ARF3: variants seen among roughly 807,000 people sequenced by gnomAD.
ARF3 encodes the protein ADP-ribosylation factor 3.
A neutral mutation model predicts 19.3 loss-of-function variants in ARF3; 5 were observed. That is an observed-to-expected ratio of 0.26 (90% CI 0.14 to 0.54). The LOEUF (loss-of-function observed/expected upper bound fraction) is 0.54, where lower values mean the gene tolerates loss of function less well. Ranked by LOEUF, ARF3 falls within the 20% of genes least tolerant of loss-of-function variation. The probability of loss-of-function intolerance (pLI) is 0.95; values close to 1 mark genes in which losing one functional copy is unlikely to be tolerated. For missense variants in ARF3, 77 were observed against 234.2 expected, an observed-to-expected ratio of 0.33 and a Z score of 4.38; for synonymous variants, 71 against 89.2, an observed-to-expected ratio of 0.80 and a Z score of 1.15.
intron 1 of ARF3, among the ~76,000 whole-genome samples, chr12:48,944,663 T>A (rs1222201808): frequency 1.3e-5 from 2 of 152,226 alleles, no homozygotes; most frequent in Non-Finnish European, 2.9e-5. Context: ...ATTTCTTCTG[T>A]CCAGTAGGAT....
At chr12:48,953,978 T>TTGGACTAAATGAAAAGAG (rs1271413824) in intron 1 of ARF3, among the ~76,000 whole-genome samples, 1 of 152,164 alleles carries the variant, frequency 6.6e-6, no homozygotes, top group Non-Finnish European at 1.5e-5. Flanking sequence ...TTTATTAAGA[T>TTGGACTAAATGAAAAGAG]TGGACTAAAT....
chr12:48,952,115 G>A (rs1243362428), intron 1 of ARF3, among the ~76,000 whole-genome samples: 1 of 152,186 alleles, frequency 6.6e-6, no homozygotes, highest in Non-Finnish European at 1.5e-5. Context: ...TCAATTAGTG[G>A]TGTTTAGGCT....
chr12:48,939,258 AT>A lies in ARF3; in HGVS notation c.385-151del. On this transcript the variant is annotated intron_variant, in intron 4 of 4. Coordinates refer to ENST00000256682, the MANE Select transcript of ARF3 (RefSeq NM_001659.3). This position sits in a 1 kb window ranked among gnomAD's most constrained non-coding sequence, Gnocchi z 4.8. ...ACAAGATCCTAAGGAGCTACTTTGGATTTAGTCACCTAGAACTCAAGATCCA... is the reference window on the plus strand; with the variant it reads ...ACAAGATCCTAAGGAGCTACTTTGGATTAGTCACCTAGAACTCAAGATCCA... 1 of 949,590 alleles carries A rather than the reference AT, an allele frequency of 1.1e-6. No individual in the cohort carries two copies. The highest frequency in any genetic ancestry group is 1.7e-5 in the African/African-American group (1 of 60,384). The allele number at this position is 949,590 out of a possible 1,614,324, so 58.8% of individuals were successfully genotyped here. A position where few individuals can be genotyped will look rare whatever the true frequency, so the allele number is the denominator to read the frequency against.
intron 1 of ARF3, among the ~76,000 whole-genome samples, chr12:48,951,484 A>T (rs1940470062): frequency 6.6e-6 from 1 of 152,144 alleles, no homozygotes; most frequent in African/African-American, 2.4e-5. Flanking sequence ...GCTTGAAGCC[A>T]GGTGGTGGAC....
At chr12:48,942,398 C>T (rs998531839) in intron 1 of ARF3, among the ~76,000 whole-genome samples, 32 of 152,088 alleles carry the variant, frequency 2.1e-4, no homozygotes, top group African/African-American at 7.5e-4. Context: ...TTCATATTTG[C>T]TATCACCTCT....
At chr12:48,940,914 G>A (rs375886589) in intron 2 of ARF3, 34 bp downstream of exon 2, 15 of 1,526,564 alleles carry the variant, frequency 9.8e-6, no homozygotes, top group African/African-American at 1.4e-5. Flanking sequence ...CTCAGCTGCC[G>A]GCGTGAAAGC....
intron 1 of ARF3, among the ~76,000 whole-genome samples, chr12:48,950,363 T>C (rs1157349282): frequency 6.6e-6 from 1 of 152,164 alleles, no homozygotes; most frequent in African/African-American, 2.4e-5. Context: ...GCCTGGCTAA[T>C]TTTTGTTTAA....
intron 2 of ARF3, among the ~76,000 whole-genome samples, 185 bp downstream of exon 2, chr12:48,940,763 G>C (rs910518125): frequency 4.6e-5 from 7 of 152,210 alleles, no homozygotes; most frequent in Admixed American, 4.6e-4. Flanking sequence ...GGGAGAGCCA[G>C]GTTAGGTGGG....
At chr12:48,943,883 G>A (rs1940309856) in intron 1 of ARF3, among the ~76,000 whole-genome samples, 1 of 152,148 alleles carries the variant, frequency 6.6e-6, no homozygotes, top group South Asian at 2.1e-4. Flanking sequence ...TTCAACTTCA[G>A]TCAAGCCACC....
At chr12:48,952,039 G>T (rs996805798) in intron 1 of ARF3, among the ~76,000 whole-genome samples, 9 of 152,174 alleles carry the variant, frequency 5.9e-5, no homozygotes, top group African/African-American at 2.2e-4. Context: ...AAGAAAAGAG[G>T]GAGGATCCAA....
At chr12:48,941,218 T>C in intron 1 of ARF3, 30 bp from the exon 2 acceptor site, 1 of 1,158,534 alleles carries the variant, frequency 8.6e-7, no homozygotes, top group Non-Finnish European at 1.2e-6. Context: ...AATCATACCA[T>C]CATTTGCTTG....
At position 48,939,578 on chromosome 12, in the gene ARF3, T is replaced by C. The variant is rs1940213823; in HGVS notation, c.384+77A>G. 5 of 1,599,626 alleles carry C rather than the reference T, an allele frequency of 3.1e-6. No homozygotes were observed. The highest frequency in any genetic ancestry group is 2.7e-5 in the African/African-American group (2 of 74,596). On this transcript the variant is annotated intron_variant, in intron 4 of 4. Coordinates refer to ENST00000256682, the MANE Select transcript of ARF3 (RefSeq NM_001659.3). The surrounding 1 kb of genome is among the most constrained non-coding windows in gnomAD (Gnocchi z 4.8). ...GAGAGCATACTAAAAGGGTTAACCATATAATAGGCCCAAGAGCCAACAATT... is the reference window on the plus strand; with the variant it reads ...GAGAGCATACTAAAAGGGTTAACCACATAATAGGCCCAAGAGCCAACAATT...
At position 48,939,112 on chromosome 12, in the gene ARF3, G is replaced by C; in HGVS notation, c.385-4C>G. 1.2e-6 allele frequency: 2 copies of C among 1,611,472 alleles called. No individual in the cohort carries two copies. The highest frequency in any genetic ancestry group is 1.7e-6 in the Non-Finnish European group (2 of 1,178,128). On this transcript the variant is annotated splice_polypyrimidine_tract_variant and splice_region_variant and intron_variant, in intron 4 of 4. Transcript: ENST00000256682. This position sits in a 1 kb window ranked among gnomAD's most constrained non-coding sequence, Gnocchi z 4.8. ...CGTTCATAGCATTAGGCAGATCCTG[G>C]AGCACGTGGGAGACACATAAAAAGA...
chr12:48,938,282 G>T lies in ARF3; in HGVS notation c.*665C>A, dbSNP rs1480649766. The T allele has an allele frequency of 1.7e-5, 7 of 419,686 alleles. No homozygotes were observed. In the East Asian group the frequency reaches 5.0e-4, roughly 30 times the overall value. The allele number at this position is 419,686 out of a possible 1,614,324, so 26.0% of individuals were successfully genotyped here. ...GAAAAACCTACCTGCAGAGAGGAGG[G>T]TAACCAGTCAAAGACTGGGGCAGTC... On this transcript the variant is annotated 3_prime_UTR_variant, in exon 5 of 5. Coordinates refer to ENST00000256682, the MANE Select transcript of ARF3 (RefSeq NM_001659.3).
intron 1 of ARF3, among the ~76,000 whole-genome samples, chr12:48,945,498 T>C (rs1009295040): frequency 2.0e-5 from 3 of 151,306 alleles, no homozygotes; most frequent in Non-Finnish European, 2.9e-5. Flanking sequence ...GAGGTGGAGG[T>C]TGCAGCGAGT....
intron 1 of ARF3, among the ~76,000 whole-genome samples, chr12:48,949,017 T>C (rs952989255): frequency 3.3e-5 from 5 of 152,150 alleles, no homozygotes; most frequent in African/African-American, 1.2e-4. Flanking sequence ...TCGCAAGTTG[T>C]CAACTACAAG....
rs1327485309 is a variant in ARF3, at chr12:48,938,680, G to GA, written c.*266_*267insT. 1.3e-5 allele frequency: 6 copies of GA among 452,610 alleles called. No homozygotes were observed. The highest frequency in any genetic ancestry group is 4.6e-5 in the East Asian group (1 of 21,766). The allele number at this position is 452,610 out of a possible 1,614,324, so 28.0% of individuals were successfully genotyped here. A position where few individuals can be genotyped will look rare whatever the true frequency, so the allele number is the denominator to read the frequency against. ...GAAACCCAGAGGGTGAGAGAGAGAG[G>GA]GGCCACCCCATGAAACCGTAACAAC... On this transcript the variant is annotated 3_prime_UTR_variant, in exon 5 of 5. Transcript: ENST00000256682.
rs1048328167 is a variant in ARF3 at position 48,939,288 on chromosome 12, C to T, written c.385-180G>A. Among the ~76,000 whole-genome samples, 2 of 152,126 alleles carry T rather than the reference C, an allele frequency of 1.3e-5. No individual in the cohort carries two copies. Among genetic ancestry groups the T allele is most frequent in the Non-Finnish European group, 2.9e-5 (2 of 68,020 alleles). On this transcript the variant is annotated intron_variant, in intron 4 of 4. Transcript: ENST00000256682. The surrounding 1 kb of genome is among the most constrained non-coding windows in gnomAD (Gnocchi z 4.8). The stretch of plus-strand genomic sequence containing the variant: ...GTCACCTAGAACTCAAGATCCAAAG[C>T]ACTAGAGGTCACTGTACTGAAGAAT...
rs1940140487 is a variant in ARF3 at position 48,936,327 on chromosome 12, C to T, written c.*2620G>A. The T allele has an allele frequency of 6.6e-6, 1 of 152,590 alleles. No individual in the cohort carries two copies. Among genetic ancestry groups the T allele is most frequent in the African/African-American group, 2.4e-5 (1 of 41,418 alleles). 9.5% of individuals were successfully genotyped at this position (152,590 alleles called of 1,614,324 possible). On this transcript the variant is annotated 3_prime_UTR_variant, in exon 5 of 5. Coordinates refer to ENST00000256682, the MANE Select transcript of ARF3 (RefSeq NM_001659.3). Reference sequence around the variant, plus strand: ...TACAGTCTACATTCCAGAGGAGGAACTGCAGTTACCACTATAACACCACAG... The same window carrying T: ...TACAGTCTACATTCCAGAGGAGGAATTGCAGTTACCACTATAACACCACAG...
Sources: gnomAD v4.1 joint callset for allele counts (sites outside exome capture counted in the v4.1 genomes callset) on GRCh38, gnomAD v4.1.1 for gene constraint, Gnocchi (gnomAD v3.1) non-coding constraint, MANE v1.5 for transcripts, NCBI Gene and HGNC (gene_info 2026-07-23, HGNC 2026-07-21) for gene names.